The following SLC25A22 variants were observed in gnomAD, a reference collection of about 807,000 sequenced individuals.
SLC25A22 encodes solute carrier family 25 member 22.
In SLC25A22, 23 loss-of-function variants were observed where a neutral mutation model predicts 33.7. The ratio of observed to expected loss-of-function variants is 0.68; its 90% CI spans 0.49 to 0.97. The LOEUF (loss-of-function observed/expected upper bound fraction) is 0.97, where lower values mean the gene tolerates loss of function less well. Among genes scored for constraint, SLC25A22 ranks in the 50% least tolerant of loss-of-function variants. The pLI is 0.00. For missense variants in SLC25A22, 390 were observed against 451.1 expected (o/e 0.86, Z 1.23); for synonymous variants, 245 against 203.8 (o/e 1.20, Z -1.72).
intron 1 of SLC25A22, chr11:796,154 C>T (rs776132682): frequency 2.0e-5 from 3 of 153,288 alleles, no homozygotes; most frequent in African/African-American, 4.8e-5. Context: ...CCGACCCCCG[C>T]TCCGCCACCT....
chr11:794,690 CAG>C (rs1864702370), intron 3 of SLC25A22, 84 bp downstream of exon 3: 2 of 1,547,946 alleles, frequency 1.3e-6, no homozygotes, highest in South Asian at 1.2e-5. Flanking sequence ...TTCTGTCAAA[CAG>C]GGTGGGGGGC....
At chr11:792,279 G>C (rs377492205) in intron 8 of SLC25A22, 25 bp downstream of exon 8, 37 of 1,612,954 alleles carry the variant, frequency 2.3e-5, no homozygotes, top group Non-Finnish European at 3.0e-5. Context: ...CCCATCCCCA[G>C]CCGGGCGCCA....
chr11:797,622 G>A (rs1045205051), intron 1 of SLC25A22: 15 of 398,534 alleles, frequency 3.8e-5, no homozygotes, highest in African/African-American at 2.7e-4. Context: ...CCCCAAGAAA[G>A]GCAATGGGGG....
chr11:791,822 A>G lies in SLC25A22; in HGVS notation c.*93T>C. 6.9e-7 allele frequency: 1 copy of G among 1,454,880 alleles called. No individual in the cohort carries two copies. The highest frequency in any genetic ancestry group is 2.5e-5 in the East Asian group (1 of 39,748). The allele number at this position is 1,454,880 out of a possible 1,614,324, so 90.1% of individuals were successfully genotyped here. Reference sequence around the variant, plus strand: ...GCCCCTGCCGACGGGAGGGCTGGGGAGGGGTCTTCCCTTGCTCCGTCCTGG... The same window carrying G: ...GCCCCTGCCGACGGGAGGGCTGGGGGGGGGTCTTCCCTTGCTCCGTCCTGG... On this transcript the variant is annotated 3_prime_UTR_variant, in exon 10 of 10. Transcript: ENST00000628067.
At chr11:796,585 G>GT (rs1474506008) in intron 1 of SLC25A22, among the ~76,000 whole-genome samples, 1 of 152,208 alleles carries the variant, frequency 6.6e-6, no homozygotes, top group African/African-American at 2.4e-5. Context: ...AGGGTACCCT[G>GT]TATGTACCTG....
intron 1 of SLC25A22, chr11:795,631 A>C: frequency 2.1e-5 from 4 of 190,230 alleles, no homozygotes; most frequent in Non-Finnish European, 3.3e-5. Flanking sequence ...GCGCCCTAAG[A>C]CCCCCCGACC....
At chr11:797,817 A>G (rs892697093) in intron 1 of SLC25A22, 17 of 398,638 alleles carry the variant, frequency 4.3e-5, no homozygotes, top group African/African-American at 3.1e-4. Flanking sequence ...AGGCCGGCTC[A>G]GGCCCCTGCC....
intron 1 of SLC25A22, chr11:797,990 G>C (rs545777911): frequency 5.0e-6 from 2 of 398,336 alleles, no homozygotes; most frequent in East Asian, 7.1e-5. Flanking sequence ...TCGGGGACAC[G>C]TATGTGCGGG....
At chr11:797,229 G>A (rs537812862) in intron 1 of SLC25A22, among the ~76,000 whole-genome samples, 189 of 152,324 alleles carry the variant, frequency 1.2e-3, no homozygotes, top group Non-Finnish European at 1.9e-3. Flanking sequence ...GGGCCCGCAC[G>A]TCACCCAGTG....
rs373332611 is a variant in SLC25A22, at chr11:792,183, G to A, written c.777C>T (p.Gly259=). The A allele has an allele frequency of 1.4e-5, 23 of 1,612,788 alleles. No individual in the cohort carries two copies. Among genetic ancestry groups the A allele is most frequent in the Middle Eastern group, 1.6e-4 (1 of 6,084 alleles). Residue 259 remains glycine, a synonymous_variant, in exon 9 of 10, where the codon GGC becomes GGT. Transcript: ENST00000628067. ...VKTRLQSLQR[G]VNEDTYSGIL... Reference sequence around the variant, plus strand: ...TCCCAGAGTAGGTGTCCTCGTTGACGCCTCGCTGAAGTGACTGGAGCCGCG... The same window carrying A: ...TCCCAGAGTAGGTGTCCTCGTTGACACCTCGCTGAAGTGACTGGAGCCGCG...
chr11:796,937 GC>G (rs963192821), intron 1 of SLC25A22, among the ~76,000 whole-genome samples: 4 of 151,730 alleles, frequency 2.6e-5, no homozygotes, highest in East Asian at 1.9e-4. Flanking sequence ...ATCCCTCCTA[GC>G]CCCCCCCACC....
rs139577104 is a variant in SLC25A22, at chr11:791,209, G to GCA, written c.*704_*705dup. 9,483 of 154,546 alleles carry GCA rather than the reference G, an allele frequency of 0.061. 804 individuals carry two copies. The highest frequency in any genetic ancestry group is 0.19 in the African/African-American group (7,959 of 41,552). The allele number at this position is 154,546 out of a possible 1,614,324, so 9.6% of individuals were successfully genotyped here. On this transcript the variant is annotated 3_prime_UTR_variant, in exon 10 of 10. Transcript: ENST00000628067. ...AGATCCCCACAACACACACACGCAT[G>GCA]CACACACACATACACACACACATGC...
At chr11:793,363 C>G (rs1270609088) in intron 5 of SLC25A22, 166 bp downstream of exon 5, 2 of 695,852 alleles carry the variant, frequency 2.9e-6, no homozygotes, top group East Asian at 2.7e-5. Context: ...CTGCTTTGCT[C>G]CCCTGGTCAG....
At chr11:793,708 C>A (rs1864653997) in intron 4 of SLC25A22, 89 bp from the exon 5 acceptor site, 6 of 913,006 alleles carry the variant, frequency 6.6e-6, no homozygotes, top group Non-Finnish European at 1.1e-5. Flanking sequence ...GCTGGCAAAA[C>A]CCTGTCCCAG....
chr11:797,539 C>A, intron 1 of SLC25A22: 1 of 398,092 alleles, frequency 2.5e-6, no homozygotes, highest in Admixed American at 4.4e-5. Flanking sequence ...GACCACCCCA[C>A]AGGAAGATAC....
At chr11:793,329 G>C in intron 5 of SLC25A22, 200 bp downstream of exon 5, 2 of 638,776 alleles carry the variant, frequency 3.1e-6, no homozygotes, top group South Asian at 3.6e-5. Context: ...GGGCTACCAA[G>C]CCAGAGCCCC....
At position 792,473 on chromosome 11, in the gene SLC25A22, G is replaced by A. The variant is rs1307449224; in HGVS notation, c.588-15C>T. On this transcript the variant is annotated splice_polypyrimidine_tract_variant and intron_variant, in intron 7 of 9. Transcript: ENST00000628067. ...AGGGGACATCCCTGTGGGGAGGGAG[G>A]TGGCCGTGGGGACAGGAGGTGGTGG... is the stretch of plus-strand genomic sequence containing the variant. The A allele has an allele frequency of 6.2e-7, 1 of 1,613,132 alleles. No homozygotes were observed. Among genetic ancestry groups the A allele is most frequent in the South Asian group, 1.1e-5 (1 of 91,084 alleles).
Position 793,609 on chromosome 11 carries a change from C to A in SLC25A22, c.213G>T (p.Val71=), listed in dbSNP as rs1048053542. The change falls in exon 5 of 10, where the codon GTG becomes GTT. Residue 71 remains valine (V), a synonymous_variant. Coordinates refer to ENST00000628067, the MANE Select transcript of SLC25A22 (RefSeq NM_001191061.2). ...GYFGMYRGAA[V]NLTLVTPEKA... is the part of the protein sequence containing the mutation. The stretch of plus-strand genomic sequence containing the variant: ...TCTCGGGGGTGACGAGGGTCAAGTT[C>A]ACAGCAGCTCCTGTGGGGCAGGGGG... 1 of 1,609,216 alleles carries A rather than the reference C, an allele frequency of 6.2e-7. No individual in the cohort carries two copies. Among genetic ancestry groups the A allele is most frequent in the Non-Finnish European group, 8.5e-7 (1 of 1,179,882 alleles).
chr11:798,247 C>A lies in SLC25A22; in HGVS notation c.-194G>T, dbSNP rs1025895207. The A allele has an allele frequency of 3.8e-5, 15 of 390,880 alleles. No homozygotes were observed. The highest frequency in any genetic ancestry group is 2.9e-4 in the African/African-American group (14 of 48,156). 24.2% of individuals were successfully genotyped at this position (390,880 alleles called of 1,614,324 possible). The stretch of plus-strand genomic sequence containing the variant: ...TCGCCGCCGCCGCCGCGCTCGCCTG[C>A]CCGCCCCGCGCTCGGCCAGCACCTA... On this transcript the variant is annotated 5_prime_UTR_variant, in exon 1 of 10. Coordinates refer to ENST00000628067, the MANE Select transcript of SLC25A22 (RefSeq NM_001191061.2).
Sources: allele counts gnomAD v4.1 joint callset (sites outside exome capture counted in the v4.1 genomes callset), GRCh38; gene constraint gnomAD v4.1.1; transcripts MANE v1.5; gene names NCBI Gene and HGNC (gene_info 2026-07-23, HGNC 2026-07-21).